The following LRRC49 variants were observed in gnomAD, a reference collection of about 807,000 sequenced individuals.
LRRC49 encodes the protein leucine rich repeat containing 49, also known as leucine-rich repeat-containing protein 49.
LRRC49 carries 50 observed loss-of-function variants against 83.3 expected under a neutral mutation model. The ratio of observed to expected loss-of-function variants is 0.60; its 90% confidence interval spans 0.48 to 0.76. The LOEUF is 0.76. LRRC49 is among the 30% of genes least tolerant of loss of function. LRRC49 has a pLI of 0.00. For missense variants in LRRC49, 704 were observed against 809.1 expected, an observed-to-expected ratio of 0.87 and a Z score of 1.58; for synonymous variants, 286 against 283.3, an observed-to-expected ratio of 1.01 and a Z score of -0.10.
At chr15:70,926,304 C>T (rs1292094023) in intron 7 of LRRC49, among the ~76,000 whole-genome samples, 1 of 152,014 alleles carries the variant, frequency 6.6e-6, no homozygotes, top group Admixed American at 6.6e-5. Flanking sequence ...GTTTTGAACT[C>T]CTGGGCTCAA....
At chr15:70,897,982 C>T (rs940509546) in intron 3 of LRRC49, among the ~76,000 whole-genome samples, 1 of 152,138 alleles carries the variant, frequency 6.6e-6, no homozygotes, top group African/African-American at 2.4e-5. Context: ...AATGATAAAT[C>T]ACTGAAAATC....
chr15:70,936,745 G>A lies in LRRC49; in HGVS notation c.712-16G>A, dbSNP rs748357351. On this transcript the variant is annotated splice_polypyrimidine_tract_variant and intron_variant, in intron 7 of 15. Coordinates refer to ENST00000260382, the MANE Select transcript of LRRC49 (RefSeq NM_017691.5). Reference sequence around the variant, plus strand: ...TTCTTTCATCTGATTAAGTTTTGCTGTCTATTTTCTTCCAGAGAGATGTGG... The same window carrying A: ...TTCTTTCATCTGATTAAGTTTTGCTATCTATTTTCTTCCAGAGAGATGTGG... 1.3e-6 allele frequency: 2 copies of A among 1,566,096 alleles called. No individual in the cohort carries two copies. Among genetic ancestry groups the A allele is most frequent in the East Asian group, 2.2e-5 (1 of 44,604 alleles).
chr15:70,855,105 G>A (rs1032700997), intron 1 of LRRC49, among the ~76,000 whole-genome samples: 1 of 152,220 alleles, frequency 6.6e-6, no homozygotes, highest in African/African-American at 2.4e-5. Flanking sequence ...AGGCCCAGGC[G>A]GGCGGATCAC....
chr15:70,946,852 A>G (rs1253058590), intron 8 of LRRC49, among the ~76,000 whole-genome samples: 1 of 152,038 alleles, frequency 6.6e-6, no homozygotes, highest in South Asian at 2.1e-4. Context: ...TTTTTCATCT[A>G]CATTTTGGCC....
rs970470257 is a variant in LRRC49, at chr15:70,893,646, A to C, written c.105+6A>C. ...CGCTTCCTGAAAAAAACAAAGTAAG[A>C]TTTAAGAAGGTTGGCATTTAAATTG... is the stretch of plus-strand genomic sequence containing the variant. On this transcript the variant is annotated splice_donor_region_variant and intron_variant, in intron 2 of 15. Coordinates refer to ENST00000260382, the MANE Select transcript of LRRC49 (RefSeq NM_017691.5). 1 of 1,606,662 alleles carries C rather than the reference A, an allele frequency of 6.2e-7. No individual in the cohort carries two copies. Among genetic ancestry groups the C allele is most frequent in the Non-Finnish European group, 8.5e-7 (1 of 1,174,292 alleles).
intron 8 of LRRC49, among the ~76,000 whole-genome samples, chr15:70,957,156 T>C (rs1003772237): frequency 2.6e-5 from 4 of 152,218 alleles, no homozygotes; most frequent in Non-Finnish European, 5.9e-5. Flanking sequence ...TGGCAATTAT[T>C]AGATCAATTT....
At chr15:71,016,349 C>G (rs941597341) in intron 14 of LRRC49, among the ~76,000 whole-genome samples, 1 of 151,740 alleles carries the variant, frequency 6.6e-6, no homozygotes, top group African/African-American at 2.4e-5. Context: ...ATGTCAAAAC[C>G]TCTGGGATGT....
intron 8 of LRRC49, among the ~76,000 whole-genome samples, chr15:70,952,162 T>C (rs943585511): frequency 6.6e-6 from 1 of 151,938 alleles, no homozygotes; most frequent in South Asian, 2.1e-4. Flanking sequence ...TGAATTTGCT[T>C]GTATTTTGTT....
upstream of LRRC49, chr15:70,891,976 C>T (rs1479621941): frequency 8.1e-6 from 13 of 1,613,408 alleles, no homozygotes; most frequent in East Asian, 1.6e-4. Flanking sequence ...CCTCCTCTCC[C>T]CTCTTAGGTG....
At chr15:70,882,850 G>A in intron 2 of LRRC49, 3 of 1,614,154 alleles carry the variant, frequency 1.9e-6, no homozygotes, top group Non-Finnish European at 1.7e-6. Context: ...TGAAGTGACA[G>A]TATTAGATGG....
At chr15:70,977,805 A>G (rs2037260913) in intron 9 of LRRC49, among the ~76,000 whole-genome samples, 1 of 152,104 alleles carries the variant, frequency 6.6e-6, no homozygotes. Context: ...ATCTAAAATC[A>G]GTAAAATTAA....
chr15:70,958,940 T>C (rs553392046), intron 8 of LRRC49, among the ~76,000 whole-genome samples: 3 of 152,228 alleles, frequency 2.0e-5, no homozygotes, highest in Admixed American at 1.3e-4. Context: ...TGCCTCAACC[T>C]TGTTAGTACC....
chr15:70,955,571 G>C (rs2036370919), intron 8 of LRRC49, among the ~76,000 whole-genome samples: 1 of 152,182 alleles, frequency 6.6e-6, no homozygotes, highest in Non-Finnish European at 1.5e-5. Flanking sequence ...TGGCTCCTAG[G>C]ATTGTCTTCT....
intron 14 of LRRC49, among the ~76,000 whole-genome samples, chr15:71,035,507 C>T (rs1160420184): frequency 6.6e-6 from 1 of 152,044 alleles, no homozygotes; most frequent in Non-Finnish European, 1.5e-5. Flanking sequence ...GCCCTCCACC[C>T]CCTGACAGGC....
At chr15:70,990,651 C>T (rs1332712776) in intron 11 of LRRC49, among the ~76,000 whole-genome samples, 1 of 152,184 alleles carries the variant, frequency 6.6e-6, no homozygotes, top group African/African-American at 2.4e-5. Flanking sequence ...CTGTCCTGCG[C>T]CCACTGTCTG....
At chr15:70,892,021 G>A (rs769622468), upstream of LRRC49, 3 of 1,612,580 alleles carry the variant, frequency 1.9e-6, no homozygotes, top group Admixed American at 1.7e-5. Flanking sequence ...TGGGCACGGC[G>A]CCTGCCACCA....
At chr15:70,916,496 T>C (rs962933272) in intron 6 of LRRC49, among the ~76,000 whole-genome samples, 8 of 152,156 alleles carry the variant, frequency 5.3e-5, no homozygotes, top group African/African-American at 1.9e-4. Context: ...GGTTTCACCA[T>C]GTTGGTCAGG....
rs190910604 is a variant in LRRC49, at chr15:70,853,669, C to T, written c.-299+200C>T. ...GCCCCTCAGATCCCGGCCGCCAGCC[C>T]TGGGAGCCTCGGTTGGGCGACGAAG... On this transcript the variant is annotated intron_variant, in intron 1 of 16. Coordinates refer to the LRRC49 transcript ENST00000544974. 4.2e-3 allele frequency: 1,426 copies of T among 338,514 alleles called. 10 individuals are homozygous for T. Among genetic ancestry groups the T allele is most frequent in the Admixed American group, 0.011 (221 of 20,514 alleles). 21.0% of individuals were successfully genotyped at this position (338,514 alleles called of 1,614,324 possible).
chr15:71,037,236 C>T lies in LRRC49; in HGVS notation c.1761C>T (p.Asn587=), dbSNP rs370452990. Residue 587 remains asparagine, a synonymous_variant, in exon 15 of 16, where the codon AAC becomes AAT. Transcript: ENST00000260382. The part of the protein sequence containing the change: ...ESKGKKPGII[N]EENNDSKRLV... ...AAGGAAAAAAACCTGGTATTATCAACGAAGAAAATAATGACAGCAAAAGAC... is the reference window on the plus strand; with the variant it reads ...AAGGAAAAAAACCTGGTATTATCAATGAAGAAAATAATGACAGCAAAAGAC... 1.2e-5 allele frequency: 20 copies of T among 1,610,658 alleles called. No homozygotes were observed. Among genetic ancestry groups the T allele is most frequent in the Middle Eastern group, 1.7e-4 (1 of 6,058 alleles).
Sources: allele counts gnomAD v4.1 joint callset (sites outside exome capture counted in the v4.1 genomes callset), GRCh38; gene constraint gnomAD v4.1.1; transcripts MANE v1.5; gene names NCBI Gene and HGNC (gene_info 2026-07-23, HGNC 2026-07-21).